COL21A1: variants seen among roughly 807,000 people sequenced by gnomAD.
The protein encoded by COL21A1 is collagen type XXI alpha 1 chain, also known as collagen alpha-1(XXI) chain.
COL21A1 carries 149 observed loss-of-function variants against 137.9 expected under a neutral mutation model. That is an observed-to-expected ratio of 1.08 (90% CI 0.95 to 1.24). The LOEUF is 1.24. COL21A1 is among the 50% of genes most tolerant of loss of function. The probability of loss-of-function intolerance (pLI) is 0.00; values close to 1 mark genes in which losing one functional copy is unlikely to be tolerated. For missense variants in COL21A1, 1,167 were observed against 1,158.4 expected (o/e 1.01, Z -0.11); for synonymous variants, 456 against 391.5 (o/e 1.16, Z -1.95).
intron 1 of COL21A1, among the ~76,000 whole-genome samples, chr6:56,245,573 A>G (rs528113708): frequency 6.6e-6 from 1 of 152,348 alleles, no homozygotes; most frequent in East Asian, 1.9e-4. Context: ...TATTTAACTT[A>G]CTATGCTAGG....
chr6:56,214,502 AT>A (rs1232912712), intron 1 of COL21A1, among the ~76,000 whole-genome samples: 1 of 152,128 alleles, frequency 6.6e-6, no homozygotes, highest in Admixed American at 6.6e-5. Flanking sequence ...GAGTATGGTT[AT>A]CCTCTGATTC....
intron 1 of COL21A1, among the ~76,000 whole-genome samples, chr6:56,216,286 C>T: frequency 6.6e-6 from 1 of 151,974 alleles, no homozygotes; most frequent in Admixed American, 6.6e-5. Context: ...TACATCCAAC[C>T]CTACAGAGAG....
intron 1 of COL21A1, among the ~76,000 whole-genome samples, chr6:56,215,363 C>A (rs940512950): frequency 2.6e-5 from 4 of 152,044 alleles, no homozygotes; most frequent in African/African-American, 9.7e-5. Context: ...TCTTTGGACA[C>A]CCTTCTGACT....
intron 1 of COL21A1, among the ~76,000 whole-genome samples, chr6:56,360,162 A>T (rs1765932346): frequency 6.6e-6 from 1 of 152,188 alleles, no homozygotes. Flanking sequence ...ACTAAAAGTG[A>T]CAGGGGAGTG....
At chr6:56,336,879 T>G (rs1054022808) in intron 1 of COL21A1, among the ~76,000 whole-genome samples, 31 of 152,310 alleles carry the variant, frequency 2.0e-4, no homozygotes, top group African/African-American at 7.2e-4. Flanking sequence ...CCCAAAACAA[T>G]GGGTGGATCA....
At chr6:56,242,520 A>G (rs1782394344) in intron 1 of COL21A1, among the ~76,000 whole-genome samples, 1 of 152,194 alleles carries the variant, frequency 6.6e-6, no homozygotes, top group Non-Finnish European at 1.5e-5. Context: ...ACCTAGATGA[A>G]AACAAGACAA....
intron 1 of COL21A1, among the ~76,000 whole-genome samples, chr6:56,352,014 G>C (rs980545992): frequency 4.6e-5 from 7 of 152,034 alleles, no homozygotes; most frequent in Admixed American, 2.0e-4. Context: ...CACACCTGTA[G>C]TCCCAGCTAC....
chr6:56,278,231 T>C (rs1192131356), intron 1 of COL21A1, among the ~76,000 whole-genome samples: 1 of 152,150 alleles, frequency 6.6e-6, no homozygotes, highest in Non-Finnish European at 1.5e-5. Flanking sequence ...CTTTATTCAG[T>C]TTATGTGAAT....
At chr6:56,262,156 T>C (rs1307445114) in intron 1 of COL21A1, among the ~76,000 whole-genome samples, 1 of 152,194 alleles carries the variant, frequency 6.6e-6, no homozygotes, top group African/African-American at 2.4e-5. Context: ...TTGCCTGACA[T>C]AGTCACCATA....
chr6:56,325,982 TAA>T, intron 1 of COL21A1, among the ~76,000 whole-genome samples: 2 of 19,956 alleles, frequency 1.0e-4, no homozygotes, highest in Non-Finnish European at 1.4e-4. Flanking sequence ...ATATATTATA[TAA>T]TATATGTATA....
chr6:56,264,498 T>C lies in COL21A1; in HGVS notation c.-38-81842A>G, dbSNP rs536569641. Among the ~76,000 whole-genome samples, 34 of 152,286 alleles carry C rather than the reference T, an allele frequency of 2.2e-4. No homozygotes were observed. The South Asian group carries it at 6.8e-3, about 31-fold the overall frequency. On this transcript the variant is annotated intron_variant, in intron 1 of 28. Coordinates refer to the COL21A1 transcript ENST00000370819. ...ATCCTGGACACTCAAAAATCAATCCTAAACAATCTCCTCCTTTCATCCTAT... is the reference window on the plus strand; with the variant it reads ...ATCCTGGACACTCAAAAATCAATCCCAAACAATCTCCTCCTTTCATCCTAT...
intron 1 of COL21A1, among the ~76,000 whole-genome samples, chr6:56,260,549 G>A (rs577849636): frequency 6.8e-6 from 1 of 146,946 alleles, no homozygotes; most frequent in East Asian, 2.0e-4. Flanking sequence ...ACTTCAGCCT[G>A]GGTGACAGAA....
At chr6:56,389,808 C>A (rs1030711351) in intron 1 of COL21A1, among the ~76,000 whole-genome samples, 2 of 152,118 alleles carry the variant, frequency 1.3e-5, no homozygotes, top group Non-Finnish European at 2.9e-5. Context: ...AAAAATCTTC[C>A]AACCTATAAT....
Position 56,061,019 on chromosome 6 carries a change from G to A in COL21A1, c.2224C>T (p.Pro742Ser). The change falls in exon 26 of 30, where the codon CCT becomes TCT. Residue 742 changes from proline to serine, a missense_variant. Physicochemically the swap from Pro to Ser is moderately conservative, Grantham distance 74. Coordinates refer to ENST00000244728, the MANE Select transcript of COL21A1 (RefSeq NM_030820.4). ...GATCCAATGGCACCTCGGACACCAG[G>A]TTCTCCCTTTTCACCTCTCTAAAAG... ...AKGERGEKGE[P>S]GVRGAIGSKG... 1.3e-6 allele frequency: 2 copies of A among 1,598,328 alleles called. No individual in the cohort carries two copies. Among genetic ancestry groups the A allele is most frequent in the Non-Finnish European group, 1.7e-6 (2 of 1,175,236 alleles).
intron 17 of COL21A1, among the ~76,000 whole-genome samples, chr6:56,082,168 G>C (rs1472108366): frequency 6.6e-6 from 1 of 151,890 alleles, no homozygotes; most frequent in Admixed American, 6.6e-5. Flanking sequence ...AGACAAGGAC[G>C]AAGACTATCT....
At chr6:56,268,238 G>T (rs747416626) in intron 1 of COL21A1, among the ~76,000 whole-genome samples, 1 of 152,162 alleles carries the variant, frequency 6.6e-6, no homozygotes, top group Non-Finnish European at 1.5e-5. Context: ...GTCCAGTCCA[G>T]AAAGAATGTA....
intron 1 of COL21A1, chr6:56,225,880 C>T (rs1424871719): frequency 3.3e-5 from 5 of 151,982 alleles, no homozygotes; most frequent in African/African-American, 1.2e-4. Context: ...TGATGGTCTT[C>T]CTGTGGGCTT....
At chr6:56,216,218 G>A (rs897757266) in intron 1 of COL21A1, among the ~76,000 whole-genome samples, 8 of 152,050 alleles carry the variant, frequency 5.3e-5, no homozygotes, top group African/African-American at 1.7e-4. Context: ...TGTCCACTGC[G>A]ATATGGGACC....
At chr6:56,179,485 T>C in intron 3 of COL21A1, 93 bp downstream of exon 3, 1 of 825,794 alleles carries the variant, frequency 1.2e-6, no homozygotes, top group East Asian at 2.7e-5. Context: ...AATATAACAA[T>C]TTACACCAGT....
Sources: gnomAD v4.1 joint callset for allele counts (sites outside exome capture counted in the v4.1 genomes callset) on GRCh38, gnomAD v4.1.1 for gene constraint, MANE v1.5 for transcripts, NCBI Gene and HGNC (gene_info 2026-07-23, HGNC 2026-07-21) for gene names.